The following CDH18 variants were observed in gnomAD, a reference collection of about 807,000 sequenced individuals.
The protein encoded by CDH18 is cadherin-18.
Under a neutral mutation model 67.9 loss-of-function variants are expected in CDH18, and 31 were observed. The observed-to-expected ratio is 0.46, with a 90% confidence interval of 0.34 to 0.62. CDH18 has a LOEUF of 0.62. Among genes scored for constraint, CDH18 ranks in the 20% least tolerant of loss-of-function variants. The probability of loss-of-function intolerance (pLI) is 0.01; values close to 1 mark genes in which losing one functional copy is unlikely to be tolerated. For synonymous variants in CDH18, 362 were observed against 347.2 expected, an observed-to-expected ratio of 1.04 and a Z score of -0.48; for missense variants, 890 against 975.5, an observed-to-expected ratio of 0.91 and a Z score of 1.17.
chr5:20,524,366 T>C (rs1755919347), intron 1 of CDH18, among the ~76,000 whole-genome samples: 1 of 152,202 alleles, frequency 6.6e-6, no homozygotes, highest in Admixed American at 6.5e-5. Flanking sequence ...AATTTTAACA[T>C]ATTTTTCTAT....
chr5:20,413,275 T>C (rs907561075), intron 1 of CDH18, among the ~76,000 whole-genome samples: 11 of 152,204 alleles, frequency 7.2e-5, no homozygotes, highest in Non-Finnish European at 1.3e-4. Flanking sequence ...TAAACATACA[T>C]GTTCATGTGT....
chr5:19,960,496 C>G (rs751859898), intron 2 of CDH18, among the ~76,000 whole-genome samples: 1 of 151,000 alleles, frequency 6.6e-6, no homozygotes, highest in South Asian at 2.1e-4. Context: ...GATAACAACA[C>G]TTTCTCCTGG....
intron 3 of CDH18, among the ~76,000 whole-genome samples, chr5:19,794,874 G>C (rs1291917257): frequency 6.6e-6 from 1 of 151,876 alleles, no homozygotes; most frequent in African/African-American, 2.4e-5. Flanking sequence ...ATAAACCCTG[G>C]AAGTCACACA....
At chr5:19,525,680 A>T (rs1256874285) in intron 9 of CDH18, among the ~76,000 whole-genome samples, 1 of 152,198 alleles carries the variant, frequency 6.6e-6, no homozygotes, top group East Asian at 1.9e-4. Context: ...ATAGCCACTC[A>T]CAGCCTTCTT....
At chr5:20,521,485 A>T (rs940108443) in intron 1 of CDH18, among the ~76,000 whole-genome samples, 1 of 152,142 alleles carries the variant, frequency 6.6e-6, no homozygotes, top group African/African-American at 2.4e-5. Context: ...ACTTGACTGG[A>T]GTTATTTTGA....
rs66786530 is a variant in CDH18, at chr5:20,358,932, C to CTT, written c.-579-103429_-579-103428dup. On this transcript the variant is annotated intron_variant, in intron 1 of 14. Transcript: ENST00000507958. ...AGTGATGCATTGGCCTTTTTTCTTT[C>CTT]TTTTTTTTTTTTTTTTTGAGACGGA... is the stretch of plus-strand genomic sequence containing the variant. Among the ~76,000 whole-genome samples the CTT allele has an allele frequency of 5.8e-3, 745 of 128,140 alleles. 17 individuals carry two copies. Among genetic ancestry groups the CTT allele is most frequent in the Admixed American group, 0.026 (318 of 12,122 alleles). 84.1% of individuals were successfully genotyped at this position (128,140 alleles called of 152,430 possible).
upstream of CDH18, among the ~76,000 whole-genome samples, chr5:19,989,810 A>G (rs978295313): frequency 1.3e-5 from 2 of 152,202 alleles, no homozygotes; most frequent in African/African-American, 4.8e-5. Flanking sequence ...AACCAACAGG[A>G]GCAATGAGGT....
intron 1 of CDH18, among the ~76,000 whole-genome samples, chr5:20,262,312 G>A (rs865989533): frequency 6.6e-6 from 1 of 152,106 alleles, no homozygotes; most frequent in Non-Finnish European, 1.5e-5. Context: ...TGGCTTAAAG[G>A]GCTCACGGAG....
At chr5:20,091,441 T>C (rs2150560551) in intron 2 of CDH18, among the ~76,000 whole-genome samples, 1 of 152,130 alleles carries the variant, frequency 6.6e-6, no homozygotes, top group Non-Finnish European at 1.5e-5. Flanking sequence ...CAGCGAGCCA[T>C]AATTGGGCTC....
chr5:19,800,236 G>A (rs1777310342), intron 3 of CDH18, among the ~76,000 whole-genome samples: 1 of 152,054 alleles, frequency 6.6e-6, no homozygotes, highest in African/African-American at 2.4e-5. Context: ...CATAATGGCA[G>A]GTGGGGGCAA....
chr5:19,614,895 C>T (rs1356940050), intron 5 of CDH18, among the ~76,000 whole-genome samples: 2 of 152,118 alleles, frequency 1.3e-5, no homozygotes, highest in Admixed American at 1.3e-4. Flanking sequence ...GGCCTATAAT[C>T]CCAGCACTTT....
intron 2 of CDH18, among the ~76,000 whole-genome samples, chr5:20,217,969 T>C (rs1297546356): frequency 2.0e-5 from 3 of 151,898 alleles, no homozygotes; most frequent in Non-Finnish European, 2.9e-5. Flanking sequence ...GACATGACTA[T>C]TATAAATATA....
chr5:20,519,434 C>T (rs981545879), intron 1 of CDH18, among the ~76,000 whole-genome samples: 14 of 151,924 alleles, frequency 9.2e-5, no homozygotes, highest in Admixed American at 9.2e-4. Context: ...AACACATGGA[C>T]ACAGGAAGGG....
At chr5:20,251,581 G>C (rs1315369721) in intron 2 of CDH18, among the ~76,000 whole-genome samples, 1 of 152,200 alleles carries the variant, frequency 6.6e-6, no homozygotes, top group Non-Finnish European at 1.5e-5. Flanking sequence ...ACCTTGCTAA[G>C]AGTTTGTAAT....
At chr5:19,769,027 A>G (rs749151538) in intron 3 of CDH18, among the ~76,000 whole-genome samples, 2 of 151,760 alleles carry the variant, frequency 1.3e-5, no homozygotes, top group African/African-American at 2.4e-5. Context: ...TCTAATAAAG[A>G]GAAAGGAAAA....
chr5:20,188,919 A>G (rs570965241), intron 2 of CDH18, among the ~76,000 whole-genome samples: 42 of 149,838 alleles, frequency 2.8e-4, no homozygotes, highest in Non-Finnish European at 5.8e-4. Flanking sequence ...TATTTTGATG[A>G]GAGTTGTTAG....
chr5:20,038,550 C>T lies in CDH18; in HGVS notation c.-517-46536G>A, dbSNP rs552113194. Among the ~76,000 whole-genome samples, 4 of 152,272 alleles carry T rather than the reference C, an allele frequency of 2.6e-5. No individual in the cohort carries two copies. In the South Asian group the frequency reaches 8.3e-4, roughly 32 times the overall value. ...GCAAGCTGGTTCAACATATGCAAATCAACAAATGTAATCCATCACATAAAC... is the reference window on the plus strand; with the variant it reads ...GCAAGCTGGTTCAACATATGCAAATTAACAAATGTAATCCATCACATAAAC... On this transcript the variant is annotated intron_variant, in intron 2 of 14. Transcript: ENST00000507958.
chr5:19,994,231 G>GTATATACACACACATATACACA (rs1800141116), intron 2 of CDH18, among the ~76,000 whole-genome samples: 2 of 141,076 alleles, frequency 1.4e-5, no homozygotes, highest in African/African-American at 2.9e-5. Flanking sequence ...GTGCATACAT[G>GTATATACACACACATATACACA]TATATACACA....
intron 1 of CDH18, among the ~76,000 whole-genome samples, chr5:20,317,838 T>C (rs1471323256): frequency 6.6e-6 from 1 of 152,140 alleles, no homozygotes; most frequent in Admixed American, 6.6e-5. Context: ...ATTAGAATGG[T>C]TGCAAGTCCC....
Sources: gnomAD v4.1 joint callset for allele counts (sites outside exome capture counted in the v4.1 genomes callset) on GRCh38, gnomAD v4.1.1 for gene constraint, MANE v1.5 for transcripts, NCBI Gene and HGNC (gene_info 2026-07-23, HGNC 2026-07-21) for gene names.